Variants in STMN2 observed in about 807,000 individuals in gnomAD.
STMN2 encodes stathmin-2.
A neutral mutation model predicts 24.1 loss-of-function variants in STMN2; 2 were observed. The observed-to-expected ratio is 0.08, with a 90% CI of 0.03 to 0.26. STMN2 has a LOEUF of 0.26. Among genes scored for constraint, STMN2 ranks in the 10% least tolerant of loss-of-function variants. The pLI, the probability that STMN2 is intolerant of heterozygous loss-of-function variation, is 1.00. For missense variants in STMN2, 114 were observed against 213.6 expected, an observed-to-expected ratio of 0.53 and a Z score of 2.91; for synonymous variants, 83 against 77.5, an observed-to-expected ratio of 1.07 and a Z score of -0.37.
At chr8:79,620,974 G>T (rs1034573737) in intron 1 of STMN2, 10 of 984,996 alleles carry the variant, frequency 1.0e-5, no homozygotes, top group Non-Finnish European at 1.2e-5. Context: ...TGACCTGTAG[G>T]GTCCCCAAGC....
intron 3 of STMN2, 67 bp downstream of exon 3, chr8:79,641,617 C>T (rs1253817827): frequency 7.5e-6 from 9 of 1,199,154 alleles, no homozygotes; most frequent in Middle Eastern, 5.3e-4. Flanking sequence ...CACACTCGGG[C>T]ACACATGCAC....
intron 1 of STMN2, among the ~76,000 whole-genome samples, chr8:79,613,120 T>C (rs1201117864): frequency 6.6e-6 from 1 of 151,830 alleles, no homozygotes; most frequent in Middle Eastern, 3.2e-3. Flanking sequence ...CCACCCACGG[T>C]CCGCGGAGCT....
intron 1 of STMN2, among the ~76,000 whole-genome samples, chr8:79,635,130 T>C (rs977471755): frequency 8.5e-5 from 13 of 152,262 alleles, no homozygotes; most frequent in African/African-American, 3.1e-4. Flanking sequence ...CTGACAGTGA[T>C]GAGATACTCA....
At position 79,655,007 on chromosome 8, in the gene STMN2, T is replaced by C; in HGVS notation, c.425T>C (p.Ile142Thr). 6.2e-7 allele frequency: 1 copy of C among 1,613,964 alleles called. No individual in the cohort carries two copies. Among genetic ancestry groups the C allele is most frequent in the Non-Finnish European group, 8.5e-7 (1 of 1,179,938 alleles). ...AAGCTGATCCTGAAAATGGAACAAA[T>C]TAAGGAAAACCGTGAGGCTAATCTA... ...EEKLILKMEQ[I>T]KENREANLAA... The change falls in exon 4 of 5, where the codon ATT becomes ACT. Residue 142 changes from isoleucine (I) to threonine (T), a missense_variant. Coordinates refer to ENST00000220876, the MANE Select transcript of STMN2 (RefSeq NM_007029.4).
chr8:79,634,758 T>C lies in STMN2; in HGVS notation c.20-2044T>C, dbSNP rs1176511552. Reference sequence around the variant, plus strand: ...TCTCTTAGAATAATTCTAGTATCTGTGGATCTAAAGCATCCAGGGGTTGAA... The same window carrying C: ...TCTCTTAGAATAATTCTAGTATCTGCGGATCTAAAGCATCCAGGGGTTGAA... On this transcript the variant is annotated intron_variant, in intron 1 of 4. Coordinates refer to ENST00000220876, the MANE Select transcript of STMN2 (RefSeq NM_007029.4). Among the ~76,000 whole-genome samples the C allele has an allele frequency of 5.9e-5, 9 of 152,322 alleles. No individual in the cohort carries two copies. The South Asian group carries it at 1.9e-3, about 32-fold the overall frequency.
At chr8:79,647,067 A>C (rs918604945) in intron 3 of STMN2, among the ~76,000 whole-genome samples, 6 of 152,200 alleles carry the variant, frequency 3.9e-5, no homozygotes, top group African/African-American at 1.4e-4. Flanking sequence ...CTTTTCAAAA[A>C]TACATACATG....
intron 1 of STMN2, chr8:79,611,670 C>A (rs1225176969): frequency 8.3e-6 from 5 of 601,378 alleles, no homozygotes; most frequent in Non-Finnish European, 1.1e-5. Flanking sequence ...AAAGTCAAAG[C>A]GGTCCCATCC....
chr8:79,617,081 T>C (rs1223359890), intron 1 of STMN2, among the ~76,000 whole-genome samples: 1 of 152,254 alleles, frequency 6.6e-6, no homozygotes, highest in African/African-American at 2.4e-5. Context: ...TACCAAATTA[T>C]TCTAAGAGTA....
intron 1 of STMN2, among the ~76,000 whole-genome samples, chr8:79,617,141 G>T (rs536319284): frequency 7.9e-5 from 12 of 152,238 alleles, no homozygotes; most frequent in Admixed American, 5.9e-4. Flanking sequence ...TATTGAGTAT[G>T]ACTGTATATT....
At chr8:79,632,648 C>T (rs980988673) in intron 1 of STMN2, among the ~76,000 whole-genome samples, 1 of 152,168 alleles carries the variant, frequency 6.6e-6, no homozygotes, top group South Asian at 2.1e-4. Context: ...CATTTTCTCC[C>T]AAAGTAGTAT....
chr8:79,645,555 T>C (rs1173142934), intron 3 of STMN2, among the ~76,000 whole-genome samples: 3 of 152,242 alleles, frequency 2.0e-5, no homozygotes, highest in Non-Finnish European at 2.9e-5. Context: ...GATTCAAATT[T>C]ACTTTGTTTT....
intron 1 of STMN2, among the ~76,000 whole-genome samples, chr8:79,619,925 G>A (rs1044565898): frequency 6.6e-6 from 1 of 151,570 alleles, no homozygotes; most frequent in East Asian, 1.9e-4. Flanking sequence ...AAAGGAGCAG[G>A]CAAGCATAGA....
At position 79,622,256 on chromosome 8, in the gene STMN2, GT is replaced by G. The variant is rs1178266506; in HGVS notation, c.19+11044del. ...AAAACAATACCTAAATCACATGGTT[GT>G]TAAGTAAGCAATTGATTGTTAAGCA... On this transcript the variant is annotated intron_variant, in intron 1 of 4. Transcript: ENST00000220876. 4.6e-5 allele frequency among the ~76,000 whole-genome samples: 7 copies of G among 152,116 alleles called. No homozygotes were observed. The East Asian group carries it at 7.7e-4, about 17-fold the overall frequency.
Position 79,656,485 on chromosome 8 carries a change from G to A in STMN2, c.480+1423G>A, listed in dbSNP as rs186115688. ...TGGCTCTCTCCAGGTGATTTATGGC[G>A]GTATAGGAACACATGTTTTACTCAG... On this transcript the variant is annotated intron_variant, in intron 4 of 4. Transcript: ENST00000220876. Among the ~76,000 whole-genome samples the A allele has an allele frequency of 4.4e-4, 67 of 152,294 alleles. 1 individual carries two copies. The highest frequency in any genetic ancestry group is 1.4e-3 in the African/African-American group (60 of 41,558).
chr8:79,639,048 A>G (rs961222320), intron 2 of STMN2, among the ~76,000 whole-genome samples: 1 of 152,210 alleles, frequency 6.6e-6, no homozygotes, highest in African/African-American at 2.4e-5. Context: ...AGTTAGTATT[A>G]TCTAGACTAT....
At chr8:79,643,965 G>GT (rs71266024) in intron 3 of STMN2, among the ~76,000 whole-genome samples, 22,982 of 150,676 alleles carry the variant, frequency 0.15, 2,033 homozygotes, top group East Asian at 0.23. Context: ...GTTTTTTATG[G>GT]TTTTTTTTTG....
intron 1 of STMN2, among the ~76,000 whole-genome samples, chr8:79,636,155 T>A (rs1809948514): frequency 6.6e-6 from 1 of 152,070 alleles, no homozygotes; most frequent in African/African-American, 2.4e-5. Flanking sequence ...AGGTGGAGGT[T>A]GCAGTGAGCT....
chr8:79,656,239 T>C (rs967500262), intron 4 of STMN2, among the ~76,000 whole-genome samples: 15 of 152,336 alleles, frequency 9.8e-5, no homozygotes, highest in Middle Eastern at 3.4e-3. Context: ...GAAGGGTGTG[T>C]GGGCTCTGAT....
intron 1 of STMN2, among the ~76,000 whole-genome samples, chr8:79,623,858 G>C (rs1809578134): frequency 6.6e-6 from 1 of 152,118 alleles, no homozygotes; most frequent in Non-Finnish European, 1.5e-5. Flanking sequence ...AGAATTGCAT[G>C]TCTTCTGAAC....
Sources: allele counts gnomAD v4.1 joint callset (sites outside exome capture counted in the v4.1 genomes callset), GRCh38; gene constraint gnomAD v4.1.1; transcripts MANE v1.5; gene names NCBI Gene and HGNC (gene_info 2026-07-23, HGNC 2026-07-21).